The following UTRN variants were observed in gnomAD, a reference collection of about 807,000 sequenced individuals.
UTRN encodes the protein utrophin.
In UTRN, 283 loss-of-function variants were observed where a neutral mutation model predicts 463.9. The observed-to-expected ratio is 0.61, with a 90% CI of 0.55 to 0.67. The LOEUF is 0.67. Among genes scored for constraint, UTRN ranks in the 30% least tolerant of loss-of-function variants. The pLI is 0.00. For synonymous variants in UTRN, 1,442 were observed against 1,431.5 expected (o/e 1.01, Z -0.17); for missense variants, 3,922 against 4,084.3 (o/e 0.96, Z 1.08).
intron 53 of UTRN, among the ~76,000 whole-genome samples, chr6:144,725,470 G>GA (rs1171885389): frequency 1.3e-5 from 2 of 152,148 alleles, no homozygotes; most frequent in Non-Finnish European, 2.9e-5. Context: ...TTATTATCTG[G>GA]AACAGAACTG....
At chr6:144,341,577 A>C (rs1416321410) in intron 2 of UTRN, among the ~76,000 whole-genome samples, 1 of 152,192 alleles carries the variant, frequency 6.6e-6, no homozygotes, top group African/African-American at 2.4e-5. Context: ...GGCTACCTTC[A>C]AAATTTGAGA....
intron 44 of UTRN, among the ~76,000 whole-genome samples, chr6:144,538,723 TA>T (rs986404875): frequency 6.6e-6 from 1 of 151,220 alleles, no homozygotes; most frequent in African/African-American, 2.4e-5. Context: ...TGTACAAGCA[TA>T]AGTGTGTGTG....
In UTRN at chr6:144,462,717, G is replaced by A. The variant is rs1789548166; in HGVS notation, c.2917G>A (p.Ala973Thr). Reference protein sequence around the residue: ...ALHKLAEETKALEKNVHPDVE... With the variant: ...ALHKLAEETKTLEKNVHPDVE... Reference sequence around the variant, plus strand: ...ACATAAACTTGCAGAAGAAACAAAGGCTCTGGAGAAAAATGTTCATCCTGA... The same window carrying A: ...ACATAAACTTGCAGAAGAAACAAAGACTCTGGAGAAAAATGTTCATCCTGA... Residue 973 changes from alanine (A) to threonine (T), a missense_variant, in exon 23 of 75, where the codon GCT becomes ACT. By Grantham distance (58) the Ala-to-Thr change is moderately conservative. Coordinates refer to ENST00000367545, the MANE Select transcript of UTRN (RefSeq NM_007124.3). 6.2e-7 allele frequency: 1 copy of A among 1,610,274 alleles called. No individual in the cohort carries two copies. The highest frequency in any genetic ancestry group is 1.7e-5 in the Admixed American group (1 of 59,154).
intron 64 of UTRN, among the ~76,000 whole-genome samples, chr6:144,799,728 T>C (rs1253426338): frequency 6.6e-6 from 1 of 152,196 alleles, no homozygotes; most frequent in Non-Finnish European, 1.5e-5. Flanking sequence ...CTCTGTAAGA[T>C]TGGGAGTATT....
chr6:144,484,688 C>T (rs1792252968), intron 27 of UTRN, among the ~76,000 whole-genome samples: 1 of 151,918 alleles, frequency 6.6e-6, no homozygotes, highest in African/African-American at 2.4e-5. Context: ...TGTGATCCAC[C>T]TGCCTTGGCC....
Position 144,462,682 on chromosome 6 carries a change from A to G in UTRN, c.2882A>G (p.Lys961Arg). 6.2e-7 allele frequency: 1 copy of G among 1,601,272 alleles called. No homozygotes were observed. Among genetic ancestry groups the G allele is most frequent in the South Asian group, 1.1e-5 (1 of 87,334 alleles). Reference protein sequence around the residue: ...KTLDEILENQKPALHKLAEET... With the variant: ...KTLDEILENQRPALHKLAEET... ...CTTGATGAAATCCTTGAGAATCAGA[A>G]ACCTGCATTACATAAACTTGCAGAA... Residue 961 changes from lysine to arginine, a missense_variant, in exon 23 of 75, where the codon AAA becomes AGA. By Grantham distance (26) the Lys-to-Arg change is conservative. Transcript: ENST00000367545.
intron 63 of UTRN, among the ~76,000 whole-genome samples, chr6:144,794,828 C>G (rs1335859966): frequency 6.6e-6 from 1 of 152,144 alleles, no homozygotes; most frequent in African/African-American, 2.4e-5. Context: ...TTGCTGTTTC[C>G]TCATATGACA....
chr6:144,621,485 G>C (rs994387044), intron 51 of UTRN, among the ~76,000 whole-genome samples: 2 of 152,082 alleles, frequency 1.3e-5, no homozygotes, highest in African/African-American at 4.8e-5. Context: ...CTTTCAGACA[G>C]AATGAGTTTA....
At chr6:144,759,401 G>C (rs537730719) in intron 58 of UTRN, among the ~76,000 whole-genome samples, 2 of 152,176 alleles carry the variant, frequency 1.3e-5, no homozygotes, top group South Asian at 2.1e-4. Flanking sequence ...ACTTTAATTT[G>C]CTTGGTTGAA....
Position 144,361,335 on chromosome 6 carries a change from A to G in UTRN, c.80-41788A>G, listed in dbSNP as rs74850079. 8.6e-3 allele frequency among the ~76,000 whole-genome samples: 1,311 copies of G among 152,332 alleles called. 19 individuals are homozygous for G. The highest frequency in any genetic ancestry group is 0.029 in the African/African-American group (1,216 of 41,568). On this transcript the variant is annotated intron_variant, in intron 2 of 74. Transcript: ENST00000367545. ...GGAGAAACACCTTATGTGTTGCTCT[A>G]CTAATTTTGTCCTTGATTTTGAGCT...
chr6:144,510,994 A>T lies in UTRN; in HGVS notation c.4815A>T (p.Thr1605=). 1 of 1,611,302 alleles carries T rather than the reference A, an allele frequency of 6.2e-7. No homozygotes were observed. The highest frequency in any genetic ancestry group is 8.5e-7 in the Non-Finnish European group (1 of 1,178,248). The stretch of plus-strand genomic sequence containing the variant: ...GAAAAGCTGATTTAAATACCATCAC[A>T]GAGAGTAGTGCTGCCCTGCAAAACT... ...EKRKADLNTI[T]ESSAALQNLI... The change falls in exon 35 of 75, where the codon ACA becomes ACT. Residue 1605 remains threonine (T), a synonymous_variant. Transcript: ENST00000367545.
At chr6:144,371,332 C>T (rs1382933601) in intron 2 of UTRN, among the ~76,000 whole-genome samples, 2 of 152,122 alleles carry the variant, frequency 1.3e-5, no homozygotes, top group African/African-American at 4.8e-5. Context: ...TTAAATCCCC[C>T]TATTACCCAT....
chr6:144,539,499 G>C, intron 45 of UTRN, 56 bp downstream of exon 45: 1 of 1,503,810 alleles, frequency 6.6e-7, no homozygotes, highest in Non-Finnish European at 8.9e-7. Flanking sequence ...TGTTGTCAGA[G>C]ATGTGGGATC....
intron 16 of UTRN, among the ~76,000 whole-genome samples, chr6:144,448,077 T>G (rs1199466271): frequency 6.6e-6 from 1 of 152,190 alleles, no homozygotes; most frequent in African/African-American, 2.4e-5. Flanking sequence ...TAGTCAAACA[T>G]AAAACATTGG....
intron 54 of UTRN, among the ~76,000 whole-genome samples, chr6:144,737,875 A>G (rs368165419): frequency 6.6e-6 from 1 of 151,952 alleles, no homozygotes; most frequent in African/African-American, 2.4e-5. Flanking sequence ...GTTAGAAAGT[A>G]TCACAGTACA....
chr6:144,531,782 T>A (rs1797081969), intron 42 of UTRN, among the ~76,000 whole-genome samples: 1 of 152,222 alleles, frequency 6.6e-6, no homozygotes, highest in East Asian at 1.9e-4. Context: ...TTAAGTTTTT[T>A]AAATGTATTT....
At chr6:144,324,770 ACT>A (rs1332809741) in intron 2 of UTRN, among the ~76,000 whole-genome samples, 1 of 152,204 alleles carries the variant, frequency 6.6e-6, no homozygotes, top group African/African-American at 2.4e-5. Context: ...AAAGGAATAA[ACT>A]CCTGTGGTCA....
intron 51 of UTRN, among the ~76,000 whole-genome samples, chr6:144,605,195 TC>T (rs1447502952): frequency 6.6e-6 from 1 of 152,176 alleles, no homozygotes; most frequent in Non-Finnish European, 1.5e-5. Context: ...TAGGACCTTC[TC>T]AGTTAATCCT....
At chr6:144,344,121 C>T (rs1455814861) in intron 2 of UTRN, 1 of 796,240 alleles carries the variant, frequency 1.3e-6, no homozygotes, top group South Asian at 2.3e-5. Flanking sequence ...CCCAAAATAA[C>T]ACAGGACATC....
Sources: allele counts gnomAD v4.1 joint callset (sites outside exome capture counted in the v4.1 genomes callset), GRCh38; gene constraint gnomAD v4.1.1; transcripts MANE v1.5; gene names NCBI Gene and HGNC (gene_info 2026-07-23, HGNC 2026-07-21).